The following LTBP1 variants were observed in gnomAD, a reference collection of about 807,000 sequenced individuals.
The protein encoded by LTBP1 is latent-transforming growth factor beta-binding protein 1.
A neutral mutation model predicts 207.6 loss-of-function variants in LTBP1; 129 were observed. The observed-to-expected ratio is 0.62, with a 90% confidence interval of 0.54 to 0.72. LTBP1 has a LOEUF of 0.72. Among genes scored for constraint, LTBP1 ranks in the 30% least tolerant of loss-of-function variants. LTBP1 has a pLI of 0.00. For synonymous variants in LTBP1, 963 were observed against 833.7 expected (o/e 1.16, Z -2.67); for missense variants, 2,281 against 2,217.2 (o/e 1.03, Z -0.58).
At chr2:33,226,509 G>C (rs57119251) in intron 9 of LTBP1, among the ~76,000 whole-genome samples, 13,691 of 152,270 alleles carry the variant, frequency 0.09, 1,430 homozygotes, top group African/African-American at 0.25. Context: ...GGCTATCCCA[G>C]AGGTGGGGTG....
At chr2:33,348,533 C>G (rs1376685302) in intron 26 of LTBP1, among the ~76,000 whole-genome samples, 1 of 151,982 alleles carries the variant, frequency 6.6e-6, no homozygotes, top group African/African-American at 2.4e-5. Context: ...TTAATTGGAT[C>G]TACAATAGCA....
chr2:33,209,379 T>A (rs1379209219), intron 7 of LTBP1, among the ~76,000 whole-genome samples: 5 of 152,288 alleles, frequency 3.3e-5, no homozygotes, highest in African/African-American at 1.2e-4. Context: ...TGCTGTTGCT[T>A]CATGGTCTTG....
intron 18 of LTBP1, among the ~76,000 whole-genome samples, chr2:33,278,751 A>G (rs559219571): frequency 2.0e-5 from 3 of 152,300 alleles, no homozygotes; most frequent in Non-Finnish European, 4.4e-5. Flanking sequence ...GGAGAATGTA[A>G]TGCTATTTGG....
intron 5 of LTBP1, among the ~76,000 whole-genome samples, chr2:33,174,547 G>C (rs900689270): frequency 1.3e-5 from 2 of 151,928 alleles, no homozygotes; most frequent in African/African-American, 4.8e-5. Context: ...CTCATGGGTA[G>C]GAAGAATCAA....
intron 10 of LTBP1, among the ~76,000 whole-genome samples, chr2:33,249,793 T>C (rs2092630667): frequency 6.6e-6 from 1 of 152,238 alleles, no homozygotes; most frequent in Non-Finnish European, 1.5e-5. Context: ...TCTGACAAAG[T>C]ACTGTTTCAG....
At position 33,293,258 on chromosome 2, in the gene LTBP1, A is replaced by C. The variant is rs750476760; in HGVS notation, c.3211A>C (p.Thr1071Pro). 3.7e-6 allele frequency: 6 copies of C among 1,613,236 alleles called. No homozygotes were observed. The South Asian group carries it at 6.6e-5, about 18-fold the overall frequency. ...TTCATGCCACAAAGGCTATACCCGG[A>C]CTCCGGACCACAAGCACTGTAGAGG... ...MCSCHKGYTR[T>P]PDHKHCRDID... The change falls in exon 20 of 34, where the codon ACT becomes CCT. Residue 1071 changes from threonine to proline, a missense_variant. Thr to Pro is a conservative substitution (Grantham distance 38). This residue lies in a region of LTBP1 where 1,671 missense variants were observed against 1,634.8 expected (regional missense o/e 1.02). Coordinates refer to ENST00000404816, the MANE Select transcript of LTBP1 (RefSeq NM_206943.4).
At chr2:33,285,080 C>T (rs989396284) in intron 19 of LTBP1, among the ~76,000 whole-genome samples, 18 of 137,674 alleles carry the variant, frequency 1.3e-4, no homozygotes, top group South Asian at 4.7e-4. Flanking sequence ...TCACTCTTGT[C>T]GCCCAGGCTG....
chr2:33,137,091 C>T (rs902523744), intron 5 of LTBP1, among the ~76,000 whole-genome samples: 2 of 152,074 alleles, frequency 1.3e-5, no homozygotes, highest in African/African-American at 4.8e-5. Flanking sequence ...ATATTTCTTT[C>T]TTTAAGAATG....
At chr2:33,310,709 G>T (rs978208215) in intron 23 of LTBP1, among the ~76,000 whole-genome samples, 8 of 152,082 alleles carry the variant, frequency 5.3e-5, no homozygotes, top group Non-Finnish European at 8.8e-5. Context: ...TCTCTCACAA[G>T]GTAGCCCATT....
chr2:33,101,498 C>A (rs189602399), intron 3 of LTBP1, among the ~76,000 whole-genome samples: 1 of 152,088 alleles, frequency 6.6e-6, no homozygotes, highest in Non-Finnish European at 1.5e-5. Flanking sequence ...CTTTGTGAGG[C>A]GATGTTATTA....
chr2:33,035,645 A>G, intron 3 of LTBP1, among the ~76,000 whole-genome samples: 1 of 152,264 alleles, frequency 6.6e-6, no homozygotes, highest in East Asian at 1.9e-4. Context: ...GTAAACATTT[A>G]ATAGTCTACA....
intron 15 of LTBP1, among the ~76,000 whole-genome samples, chr2:33,264,838 G>T (rs753213112): frequency 6.6e-6 from 1 of 152,176 alleles, no homozygotes; most frequent in Non-Finnish European, 1.5e-5. Context: ...GAGCTTTATT[G>T]TGAGGGATTG....
chr2:33,365,770 C>T (rs993178885), intron 31 of LTBP1, among the ~76,000 whole-genome samples: 41 of 151,488 alleles, frequency 2.7e-4, no homozygotes, highest in Non-Finnish European at 5.2e-4. Flanking sequence ...AAAAACATAA[C>T]TTAGCAATCA....
chr2:33,395,476 T>G (rs1340762452), intron 32 of LTBP1, among the ~76,000 whole-genome samples: 2 of 152,174 alleles, frequency 1.3e-5, no homozygotes, highest in Admixed American at 6.5e-5. Flanking sequence ...AAACAGATAA[T>G]TTAAGATTCA....
intron 5 of LTBP1, among the ~76,000 whole-genome samples, chr2:33,161,590 T>C (rs2084475475): frequency 6.6e-6 from 1 of 152,216 alleles, no homozygotes; most frequent in African/African-American, 2.4e-5. Context: ...ATAGAGACTT[T>C]GCTGTTCTTA....
At chr2:33,080,574 T>C (rs2078336085) in intron 3 of LTBP1, among the ~76,000 whole-genome samples, 1 of 152,250 alleles carries the variant, frequency 6.6e-6, no homozygotes, top group South Asian at 2.1e-4. Flanking sequence ...GATAGCACTG[T>C]CTCTGTGAAA....
At chr2:33,177,429 C>T (rs2086175721) in intron 5 of LTBP1, among the ~76,000 whole-genome samples, 1 of 152,162 alleles carries the variant, frequency 6.6e-6, no homozygotes, top group Non-Finnish European at 1.5e-5. Flanking sequence ...GTGGGCAGAT[C>T]ACTTAAGGTC....
At chr2:32,987,872 A>G (rs532747404) in intron 2 of LTBP1, among the ~76,000 whole-genome samples, 67 of 152,308 alleles carry the variant, frequency 4.4e-4, no homozygotes, top group African/African-American at 1.6e-3. Flanking sequence ...ATGATACCTT[A>G]TGGCACAAAT....
intron 7 of LTBP1, among the ~76,000 whole-genome samples, chr2:33,197,117 T>C (rs1240978609): frequency 6.6e-6 from 1 of 152,212 alleles, no homozygotes; most frequent in Non-Finnish European, 1.5e-5. Context: ...AAATCATTGG[T>C]GTTTATGTGA....
Sources: allele counts gnomAD v4.1 joint callset (sites outside exome capture counted in the v4.1 genomes callset), GRCh38; gene constraint gnomAD v4.1.1; regional missense constraint gnomAD v4.1.1; transcripts MANE v1.5; gene names NCBI Gene and HGNC (gene_info 2026-07-23, HGNC 2026-07-21).